Variants in MYO1B observed in about 807,000 individuals in gnomAD.
MYO1B encodes myosin IB.
MYO1B carries 72 observed loss-of-function variants against 159.7 expected under a neutral mutation model. That is an observed-to-expected ratio of 0.45 (90% CI 0.37 to 0.55). The LOEUF (loss-of-function observed/expected upper bound fraction) is 0.55. Among genes scored for constraint, MYO1B ranks in the 20% least tolerant of loss-of-function variants. The pLI is 0.00. For missense variants in MYO1B, 1,062 were observed against 1,364.8 expected (o/e 0.78, Z 3.50); for synonymous variants, 468 against 473.8 (o/e 0.99, Z 0.16).
chr2:191,335,847 A>G (rs541296890), intron 4 of MYO1B, among the ~76,000 whole-genome samples: 1 of 152,290 alleles, frequency 6.6e-6, no homozygotes, highest in African/African-American at 2.4e-5. Flanking sequence ...CATTGGAGAC[A>G]CTCTTAAGCT....
intron 11 of MYO1B, among the ~76,000 whole-genome samples, chr2:191,369,295 T>C (rs928365506): frequency 6.6e-6 from 1 of 152,218 alleles, no homozygotes; most frequent in Non-Finnish European, 1.5e-5. Context: ...GAAATAAATA[T>C]CTTTGTGGTG....
At chr2:191,415,605 T>G (rs950092549) in intron 29 of MYO1B, among the ~76,000 whole-genome samples, 2 of 131,374 alleles carry the variant, frequency 1.5e-5, no homozygotes, top group South Asian at 2.3e-4. Context: ...TTTTGTTTTG[T>G]TTTTTTTTTG....
intron 5 of MYO1B, 99 bp downstream of exon 5, chr2:191,341,664 G>A (rs868435866): frequency 4.4e-6 from 4 of 911,264 alleles, no homozygotes; most frequent in Non-Finnish European, 5.2e-6. Flanking sequence ...TATTCTGGGA[G>A]GGAAGAGGAA....
chr2:191,298,433 C>G (rs1192208845), intron 3 of MYO1B, among the ~76,000 whole-genome samples: 2 of 152,286 alleles, frequency 1.3e-5, no homozygotes, highest in Non-Finnish European at 2.9e-5. Flanking sequence ...CCCCACTTCT[C>G]AAAGTATGGT....
Position 191,274,572 on chromosome 2 carries a change from C to T in MYO1B, c.-9-2315C>T, listed in dbSNP as rs1426716976. On this transcript the variant is annotated intron_variant, in intron 1 of 30. Coordinates refer to ENST00000392318, the MANE Select transcript of MYO1B (RefSeq NM_001130158.3). ...TTGACTTCCCCCTTAATCCCTAAGC[C>T]TTCTTCCCTCATCTGCCAAATTATA... is the stretch of plus-strand genomic sequence containing the variant. 2.0e-5 allele frequency among the ~76,000 whole-genome samples: 3 copies of T among 152,172 alleles called. No individual in the cohort carries two copies. The East Asian group carries it at 5.8e-4, about 29-fold the overall frequency.
chr2:191,303,483 A>G (rs4853582), intron 3 of MYO1B, among the ~76,000 whole-genome samples: 80,533 of 152,044 alleles, frequency 0.53, 22,079 homozygotes, highest in East Asian at 0.65. Context: ...TTTATTTATT[A>G]CTGTAGAAGA....
At chr2:191,337,334 C>T (rs911053227) in intron 4 of MYO1B, among the ~76,000 whole-genome samples, 7 of 152,144 alleles carry the variant, frequency 4.6e-5, no homozygotes, top group African/African-American at 1.7e-4. Context: ...ATATTATTCA[C>T]AGTACAGTGC....
At chr2:191,322,092 GAA>G (rs1690755680) in intron 3 of MYO1B, among the ~76,000 whole-genome samples, 2 of 152,168 alleles carry the variant, frequency 1.3e-5, no homozygotes, top group African/African-American at 4.8e-5. Flanking sequence ...TAAAGAAGTA[GAA>G]TTAGCCTTTT....
At chr2:191,301,992 TC>T (rs1332580158) in intron 3 of MYO1B, among the ~76,000 whole-genome samples, 1 of 152,226 alleles carries the variant, frequency 6.6e-6, no homozygotes, top group Non-Finnish European at 1.5e-5. Flanking sequence ...TTAGCTGTCC[TC>T]CCTGCTCTCC....
chr2:191,387,441 A>T lies in MYO1B; in HGVS notation c.1772A>T (p.Asn591Ile). Residue 591 changes from asparagine (N) to isoleucine (I), a missense_variant, in exon 17 of 31, where the codon AAC (asparagine) becomes ATC (isoleucine). Physicochemically the swap from Asn to Ile is moderately radical, Grantham distance 149 (BLOSUM62 -3). Around this residue, in one of 5 missense-constraint regions of MYO1B, gnomAD observed 609 missense variants for 744.4 expected, o/e 0.82. Transcript: ENST00000392318. ...AAAAACCTACAGACCAAGAACCCAA[A>T]CTATATTAGGTATTTTTGGCACATG... ...LMKNLQTKNP[N>I]YIRCIKPNDK... 1 of 1,613,912 alleles carries T rather than the reference A, an allele frequency of 6.2e-7. No individual in the cohort carries two copies. Among genetic ancestry groups the T allele is most frequent in the Non-Finnish European group, 8.5e-7 (1 of 1,179,856 alleles).
At chr2:191,418,294 G>GC (rs1697702995) in intron 30 of MYO1B, among the ~76,000 whole-genome samples, 3 of 152,110 alleles carry the variant, frequency 2.0e-5, no homozygotes, top group African/African-American at 7.2e-5. Context: ...TCAGCCCTAA[G>GC]TGGCTTCGCT....
chr2:191,400,207 A>T (rs143240260), intron 21 of MYO1B, among the ~76,000 whole-genome samples, 175 bp from the exon 22 acceptor site: 1 of 152,068 alleles, frequency 6.6e-6, no homozygotes, highest in Non-Finnish European at 1.5e-5. Context: ...TGATGTCTTC[A>T]TTGTCCACCT....
intron 7 of MYO1B, among the ~76,000 whole-genome samples, chr2:191,354,153 G>C (rs1266963609): frequency 6.6e-6 from 1 of 152,026 alleles, no homozygotes; most frequent in East Asian, 1.9e-4. Flanking sequence ...CCACTCGGGA[G>C]GCTGAGGCAG....
At chr2:191,341,631 T>C in intron 5 of MYO1B, 66 bp downstream of exon 5, 1 of 1,278,936 alleles carries the variant, frequency 7.8e-7, no homozygotes, top group Non-Finnish European at 1.1e-6. Flanking sequence ...GTGGGTGCTT[T>C]GAGTACCTGG....
intron 5 of MYO1B, among the ~76,000 whole-genome samples, chr2:191,342,256 CT>C (rs1262107913): frequency 6.6e-6 from 1 of 152,148 alleles, no homozygotes; most frequent in Non-Finnish European, 1.5e-5. Context: ...AGCAAGCTCT[CT>C]GGAATCTCTT....
chr2:191,326,165 T>C (rs1197955430), intron 3 of MYO1B, among the ~76,000 whole-genome samples: 1 of 152,192 alleles, frequency 6.6e-6, no homozygotes, highest in Non-Finnish European at 1.5e-5. Flanking sequence ...GGTCACAAAA[T>C]AATGTGAAGC....
At chr2:191,404,593 C>G (rs2126145667) in intron 24 of MYO1B, among the ~76,000 whole-genome samples, 1 of 152,232 alleles carries the variant, frequency 6.6e-6, no homozygotes, top group South Asian at 2.1e-4. Context: ...TGAATACAGG[C>G]ATACCTCAGA....
At chr2:191,331,653 G>A (rs532236565) in intron 4 of MYO1B, among the ~76,000 whole-genome samples, 1 of 152,260 alleles carries the variant, frequency 6.6e-6, no homozygotes, top group Admixed American at 6.5e-5. Flanking sequence ...CTTAGTGAAA[G>A]GTACTATACT....
chr2:191,420,218 GT>G (rs2126195515), intron 30 of MYO1B, among the ~76,000 whole-genome samples: 1 of 152,074 alleles, frequency 6.6e-6, no homozygotes, highest in South Asian at 2.1e-4. Context: ...CAAAACAAAA[GT>G]GTCAAAAATG....
Sources: gnomAD v4.1 joint callset for allele counts (sites outside exome capture counted in the v4.1 genomes callset) on GRCh38, gnomAD v4.1.1 for gene constraint, gnomAD v4.1.1 regional missense constraint, MANE v1.5 for transcripts, NCBI Gene and HGNC (gene_info 2026-07-23, HGNC 2026-07-21) for gene names.